RIMKLA: variants seen among roughly 807,000 people sequenced by gnomAD.
RIMKLA encodes N-acetylaspartylglutamate synthase A.
RIMKLA carries 14 observed loss-of-function variants against 32.7 expected under a neutral mutation model. The observed-to-expected ratio is 0.43, with a 90% CI of 0.28 to 0.67. The LOEUF is 0.67. RIMKLA is among the 30% of genes least tolerant of loss of function. RIMKLA has a pLI of 0.18. For missense variants in RIMKLA, 410 were observed against 519.0 expected (o/e 0.79, Z 2.04); for synonymous variants, 176 against 204.1 (o/e 0.86, Z 1.18).
At position 42,393,846 on chromosome 1, in the gene RIMKLA, G is replaced by A. The variant is rs577392997; in HGVS notation, c.164-5558G>A. 2.6e-5 allele frequency among the ~76,000 whole-genome samples: 4 copies of A among 152,236 alleles called. No homozygotes were observed. The South Asian group carries it at 6.2e-4, about 24-fold the overall frequency. On this transcript the variant is annotated intron_variant, in intron 1 of 4. Coordinates refer to ENST00000431473, the MANE Select transcript of RIMKLA (RefSeq NM_173642.4). ...TCCCCCAGGGCTGGAGTGCAATGGC[G>A]GGATCTCGGCTCACTGCAACCTCTG...
intron 1 of RIMKLA, among the ~76,000 whole-genome samples, chr1:42,381,434 A>G (rs558833303): frequency 1.3e-5 from 2 of 152,230 alleles, no homozygotes; most frequent in East Asian, 1.9e-4. Context: ...TGCTCGCATC[A>G]ATACCTTGAC....
At chr1:42,381,964 G>A (rs1557748376) in intron 1 of RIMKLA, among the ~76,000 whole-genome samples, 2 of 152,202 alleles carry the variant, frequency 1.3e-5, no homozygotes, top group Non-Finnish European at 1.5e-5. Context: ...GACTCAAAAG[G>A]ATTTGCGCCC....
In RIMKLA at chr1:42,422,198, G is replaced by A. The variant is rs1237288307; in HGVS notation, c.*7224G>A. Reference sequence around the variant, plus strand: ...GTATTTCTCAGAAGCAAGTGTCCTAGTGTAATGTGCACAAGTGGCATGAAG... The same window carrying A: ...GTATTTCTCAGAAGCAAGTGTCCTAATGTAATGTGCACAAGTGGCATGAAG... On this transcript the variant is annotated 3_prime_UTR_variant, in exon 5 of 5. Coordinates refer to ENST00000431473, the MANE Select transcript of RIMKLA (RefSeq NM_173642.4). 1 of 152,240 alleles carries A rather than the reference G, an allele frequency of 6.6e-6. No homozygotes were observed. The highest frequency in any genetic ancestry group is 1.5e-5 in the Non-Finnish European group (1 of 68,048). 9.4% of individuals were successfully genotyped at this position (152,240 alleles called of 1,614,324 possible).
chr1:42,420,751 G>A lies in RIMKLA; in HGVS notation c.*5777G>A, dbSNP rs1207083665. 1 of 152,344 alleles carries A rather than the reference G, an allele frequency of 6.6e-6. No individual in the cohort carries two copies. The highest frequency in any genetic ancestry group is 1.5e-5 in the Non-Finnish European group (1 of 68,066). 9.4% of individuals were successfully genotyped at this position (152,344 alleles called of 1,614,324 possible). ...TTGTCAGGGGTACACCTTTTGGAAG[G>A]CAGCGTGGGCTAATGTGAATGGTAC... is the stretch of plus-strand genomic sequence containing the variant. On this transcript the variant is annotated 3_prime_UTR_variant, in exon 5 of 5. Transcript: ENST00000431473.
chr1:42,394,391 A>G (rs1281241035), intron 1 of RIMKLA, among the ~76,000 whole-genome samples: 1 of 152,254 alleles, frequency 6.6e-6, no homozygotes, highest in Non-Finnish European at 1.5e-5. Context: ...GTGATGACTC[A>G]TTATGTATCG....
chr1:42,391,332 T>C (rs547698968), intron 1 of RIMKLA, among the ~76,000 whole-genome samples: 1 of 152,244 alleles, frequency 6.6e-6, no homozygotes, highest in Admixed American at 6.5e-5. Context: ...TGTAGACGAC[T>C]TGCACAAGAA....
rs560927002 is a variant in RIMKLA, at chr1:42,423,352, A to C, written c.*8378A>C. Reference sequence around the variant, plus strand: ...TACACAAAAGTGGAGAGAATAGTAAACTCCCCAGAAAAGGACGTTTCCATT... The same window carrying C: ...TACACAAAAGTGGAGAGAATAGTAACCTCCCCAGAAAAGGACGTTTCCATT... On this transcript the variant is annotated 3_prime_UTR_variant, in exon 5 of 5. Transcript: ENST00000431473. 6.6e-6 allele frequency among the ~76,000 whole-genome samples: 1 copy of C among 152,206 alleles called. No individual in the cohort carries two copies. The highest frequency in any genetic ancestry group is 1.9e-4 in the East Asian group (1 of 5,178).
chr1:42,388,517 G>GTTTTTT (rs35842187), intron 1 of RIMKLA, among the ~76,000 whole-genome samples: 2 of 131,726 alleles, frequency 1.5e-5, no homozygotes. Context: ...CTGAAAGCTT[G>GTTTTTT]TTTTTTTTTT....
At position 42,380,841 on chromosome 1, in the gene RIMKLA, C is replaced by G. The variant is rs1642879735; in HGVS notation, c.-94C>G. 2 of 797,548 alleles carry G rather than the reference C, an allele frequency of 2.5e-6. No individual in the cohort carries two copies. Among genetic ancestry groups the G allele is most frequent in the African/African-American group, 3.7e-5 (2 of 53,750 alleles). 49.4% of individuals were successfully genotyped at this position (797,548 alleles called of 1,614,324 possible). ...GGAGCGGAGCCGTGGCGCGCTCGCC[C>G]CGGACGCCGGCCGCCCCTCCGCTCG... On this transcript the variant is annotated 5_prime_UTR_variant, in exon 1 of 5. Coordinates refer to ENST00000431473, the MANE Select transcript of RIMKLA (RefSeq NM_173642.4).
At position 42,423,558 on chromosome 1, in the gene RIMKLA, C is replaced by T. The variant is rs755540753; in HGVS notation, c.*8584C>T. Among the ~76,000 whole-genome samples, 1 of 152,178 alleles carries T rather than the reference C, an allele frequency of 6.6e-6. No homozygotes were observed. On this transcript the variant is annotated 3_prime_UTR_variant, in exon 5 of 5. Transcript: ENST00000431473. The stretch of plus-strand genomic sequence containing the variant: ...GCTGATGGCTTCCCTACCCTCTTGA[C>T]GGTGGCTCTGGCAGAAACCATGCTG...
intron 3 of RIMKLA, 32 bp from the exon 4 acceptor site, chr1:42,409,952 A>G (rs1643183175): frequency 1.9e-6 from 3 of 1,566,560 alleles, no homozygotes; most frequent in East Asian, 4.5e-5. Flanking sequence ...AGGCTTCTCT[A>G]ACCCCTTCTC....
At position 42,421,586 on chromosome 1, in the gene RIMKLA, T is replaced by G. The variant is rs144317330; in HGVS notation, c.*6612T>G. On this transcript the variant is annotated 3_prime_UTR_variant, in exon 5 of 5. Coordinates refer to ENST00000431473, the MANE Select transcript of RIMKLA (RefSeq NM_173642.4). This position sits in a 1 kb window ranked among gnomAD's most constrained non-coding sequence, Gnocchi z 4.6. ...TCTGCAAGGGGAGAGCTGGGGCCCT[T>G]AATCATTCTGCAGAGCTGATAACGG... 1 of 152,450 alleles carries G rather than the reference T, an allele frequency of 6.6e-6. No homozygotes were observed. The highest frequency in any genetic ancestry group is 1.5e-5 in the Non-Finnish European group (1 of 68,152). The allele number at this position is 152,450 out of a possible 1,614,324, so 9.4% of individuals were successfully genotyped here.
intron 1 of RIMKLA, among the ~76,000 whole-genome samples, chr1:42,381,602 CTG>C (rs1356569284): frequency 1.3e-5 from 2 of 152,172 alleles, no homozygotes; most frequent in African/African-American, 4.8e-5. Flanking sequence ...TGGGGGAAAT[CTG>C]AGAAAGATTG....
chr1:42,385,811 C>CTCT (rs1642934514), intron 1 of RIMKLA, among the ~76,000 whole-genome samples: 1 of 81,456 alleles, frequency 1.2e-5, no homozygotes, highest in African/African-American at 4.0e-5. Flanking sequence ...CTCTCTCTTT[C>CTCT]CTTCCTTCCT....
intron 1 of RIMKLA, among the ~76,000 whole-genome samples, chr1:42,385,838 T>TTC (rs777027519): frequency 1.6e-3 from 110 of 69,530 alleles, no homozygotes; most frequent in Middle Eastern, 8.6e-3. Context: ...CTTTCTTTCT[T>TTC]TCTTTCTCTT....
At chr1:42,385,842 T>TTCTCTCTCTC (rs200871565) in intron 1 of RIMKLA, among the ~76,000 whole-genome samples, 6 of 63,500 alleles carry the variant, frequency 9.4e-5, no homozygotes, top group Non-Finnish European at 1.3e-4. Context: ...CTTTCTTTCT[T>TTCTCTCTCTC]TCTCTTTCTT....
chr1:42,396,475 CT>C (rs767039393), intron 1 of RIMKLA: 21 of 152,102 alleles, frequency 1.4e-4, no homozygotes, highest in Non-Finnish European at 2.2e-4. Flanking sequence ...AAAGATTTAC[CT>C]TTGGAGAAGA....
At chr1:42,406,476 A>C (rs1418516691) in intron 3 of RIMKLA, among the ~76,000 whole-genome samples, 1 of 152,196 alleles carries the variant, frequency 6.6e-6, no homozygotes, top group East Asian at 1.9e-4. Flanking sequence ...GAATGGATTT[A>C]TACAGTATGT....
At chr1:42,408,862 A>C (rs1643171330) in intron 3 of RIMKLA, among the ~76,000 whole-genome samples, 1 of 152,190 alleles carries the variant, frequency 6.6e-6, no homozygotes, top group Admixed American at 6.5e-5. Flanking sequence ...AGATTTGCAG[A>C]GCAAACTTAT....
Sources: allele counts gnomAD v4.1 joint callset (sites outside exome capture counted in the v4.1 genomes callset), GRCh38; gene constraint gnomAD v4.1.1; non-coding constraint Gnocchi (gnomAD v3.1); transcripts MANE v1.5; gene names NCBI Gene and HGNC (gene_info 2026-07-23, HGNC 2026-07-21).